The following ABL1 variants were observed in gnomAD, a reference collection of about 807,000 sequenced individuals.
The protein encoded by ABL1 is tyrosine-protein kinase ABL1.
In ABL1, 11 loss-of-function variants were observed where a neutral mutation model predicts 94.7. That is an observed-to-expected ratio of 0.12 (90% CI 0.07 to 0.19). ABL1 has a LOEUF of 0.19. Ranked by LOEUF, ABL1 falls within the 10% of genes least tolerant of loss-of-function variation. ABL1 has a pLI of 1.00. For synonymous variants in ABL1, 656 were observed against 622.4 expected, an observed-to-expected ratio of 1.05 and a Z score of -0.80; for missense variants, 1,082 against 1,489.4, an observed-to-expected ratio of 0.73 and a Z score of 4.50.
chr9:130,750,755 T>G (rs960830050), intron 1 of ABL1, among the ~76,000 whole-genome samples: 1 of 150,546 alleles, frequency 6.6e-6, no homozygotes, highest in African/African-American at 2.5e-5. Context: ...CAAGTGATTC[T>G]TCTGCCTCAG....
In ABL1 at chr9:130,728,164, A is replaced by G. The variant is rs559837898; in HGVS notation, c.136+13709A>G. On this transcript the variant is annotated intron_variant, in intron 1 of 10. Transcript: ENST00000372348. ...CTGCAACCTCCGTCTCCCAGACTCA[A>G]GCTGTTCTCCCACCTCAGCCTCCTG... Among the ~76,000 whole-genome samples, 27 of 149,840 alleles carry G rather than the reference A, an allele frequency of 1.8e-4. No homozygotes were observed. The East Asian group carries it at 5.2e-3, about 29-fold the overall frequency.
At chr9:130,780,509 C>G (rs1829742411) in intron 1 of ABL1, among the ~76,000 whole-genome samples, 1 of 152,148 alleles carries the variant, frequency 6.6e-6, no homozygotes, top group Non-Finnish European at 1.5e-5. Context: ...AAAACTCTTG[C>G]AACTTTCGTT....
intron 1 of ABL1, among the ~76,000 whole-genome samples, chr9:130,748,664 C>T (rs1481100766): frequency 6.6e-6 from 1 of 152,070 alleles, no homozygotes; most frequent in African/African-American, 2.4e-5. Flanking sequence ...CAACCTTCGC[C>T]TCCCGGGTTC....
intron 1 of ABL1, among the ~76,000 whole-genome samples, chr9:130,836,824 C>CAAAAAAAAAAAAAA (rs565723193): frequency 1.3e-5 from 1 of 77,218 alleles, no homozygotes; most frequent in Non-Finnish European, 3.0e-5. Context: ...GACTCGGTCT[C>CAAAAAAAAAAAAAA]AAAAAAAAAA....
chr9:130,865,566 G>A (rs1831140867), intron 4 of ABL1, among the ~76,000 whole-genome samples: 2 of 152,038 alleles, frequency 1.3e-5, no homozygotes, highest in African/African-American at 4.8e-5. Flanking sequence ...GGGCAACATG[G>A]CAAAACTCTG....
chr9:130,725,202 A>T (rs1040589310), intron 1 of ABL1, among the ~76,000 whole-genome samples: 2 of 152,012 alleles, frequency 1.3e-5, no homozygotes, highest in Non-Finnish European at 1.5e-5. Context: ...CATCATCCTA[A>T]GTAGAAACTC....
intron 1 of ABL1, among the ~76,000 whole-genome samples, chr9:130,747,804 A>G (rs1831906359): frequency 6.6e-6 from 1 of 152,170 alleles, no homozygotes; most frequent in Non-Finnish European, 1.5e-5. Context: ...TGTTAATCAC[A>G]TCTCCAAAGA....
In ABL1 at chr9:130,884,393, CGAG is replaced by C. The variant is rs1008368368; in HGVS notation, c.2111_2113del (p.Glu704del). 6 of 1,611,848 alleles carry C rather than the reference CGAG, an allele frequency of 3.7e-6. No homozygotes were observed. Among genetic ancestry groups the C allele is most frequent in the Non-Finnish European group, 5.1e-6 (6 of 1,179,856 alleles). On this transcript the variant is annotated inframe_deletion, in exon 11 of 11. Coordinates refer to ENST00000318560, the MANE Select transcript of ABL1 (RefSeq NM_005157.6). The surrounding 1 kb of genome is among the most constrained non-coding windows in gnomAD (Gnocchi z 5.6). ...TGACCAGCAGCCGCCTAGCCACCGG[CGAG>C]GAGGAGGGCGGTGGCAGCTCCAGCA...
chr9:130,722,387 C>T (rs1052142864), intron 1 of ABL1, among the ~76,000 whole-genome samples: 5 of 113,890 alleles, frequency 4.4e-5, no homozygotes, highest in African/African-American at 2.3e-4. Flanking sequence ...AGCGAGACTC[C>T]ATCTCAAAAA....
chr9:130,775,747 TA>T (rs573902785), intron 1 of ABL1, among the ~76,000 whole-genome samples: 708 of 143,522 alleles, frequency 4.9e-3, no homozygotes, highest in South Asian at 0.01. Context: ...CACGTGGAAT[TA>T]AAAAAAAAAA....
chr9:130,818,121 C>G (rs767239168), intron 1 of ABL1, among the ~76,000 whole-genome samples: 2 of 152,162 alleles, frequency 1.3e-5, no homozygotes, highest in Non-Finnish European at 2.9e-5. Context: ...TGTGACTTGT[C>G]TCTATTCTCT....
intron 1 of ABL1, among the ~76,000 whole-genome samples, chr9:130,852,748 AC>A (rs1830892137): frequency 6.6e-6 from 1 of 152,210 alleles, no homozygotes; most frequent in Non-Finnish European, 1.5e-5. Flanking sequence ...TAATATTCAC[AC>A]ATTTTCTAAT....
At chr9:130,761,498 C>T (rs1588228696) in intron 1 of ABL1, among the ~76,000 whole-genome samples, 1 of 152,210 alleles carries the variant, frequency 6.6e-6, no homozygotes, top group African/African-American at 2.4e-5. Context: ...AGGACAAAAT[C>T]AAGACATGCT....
At chr9:130,809,004 G>A (rs2132848037) in intron 1 of ABL1, among the ~76,000 whole-genome samples, 2 of 152,304 alleles carry the variant, frequency 1.3e-5, no homozygotes. Context: ...TCCAGACCGC[G>A]GTGCGGGGAG....
chr9:130,752,853 G>A (rs1426128668), intron 1 of ABL1, among the ~76,000 whole-genome samples: 1 of 152,160 alleles, frequency 6.6e-6, no homozygotes. Flanking sequence ...CAGCTACTAG[G>A]GAGGCTGAGA....
rs899139540 is a variant in ABL1 at position 130,863,918 on chromosome 9, T to G, written c.822+883T>G. Among the ~76,000 whole-genome samples, 10 of 152,270 alleles carry G rather than the reference T, an allele frequency of 6.6e-5. No homozygotes were observed. Among genetic ancestry groups the G allele is most frequent in the Admixed American group, 2.6e-4 (4 of 15,288 alleles). On this transcript the variant is annotated intron_variant, in intron 4 of 10. Transcript: ENST00000318560. This position sits in a 1 kb window ranked among gnomAD's most constrained non-coding sequence, Gnocchi z 4.3. ...TTAGAAAAGAACTGAAACATCCACC[T>G]CTGGGAAAAATAGAGTTTAGTTTGT...
intron 1 of ABL1, among the ~76,000 whole-genome samples, chr9:130,763,069 A>C (rs921627277): frequency 6.6e-6 from 1 of 152,112 alleles, no homozygotes; most frequent in Non-Finnish European, 1.5e-5. Flanking sequence ...GCATCGCTTC[A>C]TGTATCATTG....
At chr9:130,756,626 A>G (rs1312180471) in intron 1 of ABL1, among the ~76,000 whole-genome samples, 2 of 152,152 alleles carry the variant, frequency 1.3e-5, no homozygotes, top group Non-Finnish European at 2.9e-5. Context: ...AAGAGAAGTT[A>G]GGGCTAGTGT....
At chr9:130,822,223 T>G (rs1203562157) in intron 1 of ABL1, among the ~76,000 whole-genome samples, 4 of 152,066 alleles carry the variant, frequency 2.6e-5, no homozygotes, top group African/African-American at 9.6e-5. Flanking sequence ...CCACCCACCT[T>G]GGCCTCCCAA....
Sources: allele counts gnomAD v4.1 joint callset (sites outside exome capture counted in the v4.1 genomes callset), GRCh38; gene constraint gnomAD v4.1.1; non-coding constraint Gnocchi (gnomAD v3.1); transcripts MANE v1.5; gene names NCBI Gene and HGNC (gene_info 2026-07-23, HGNC 2026-07-21).